DMD: variants seen among roughly 807,000 people sequenced by gnomAD.
DMD encodes dystrophin.
A neutral mutation model predicts 330.1 loss-of-function variants in DMD; 63 were observed. That is an observed-to-expected ratio of 0.19 (90% confidence interval 0.16 to 0.24). The LOEUF is 0.24. Among genes scored for constraint, DMD ranks in the 10% least tolerant of loss-of-function variants. The pLI is 1.00. For missense variants in DMD, 3,344 were observed against 2,684.1 expected (o/e 1.25, Z -5.43); for synonymous variants, 1,223 against 959.8 (o/e 1.27, Z -5.07).
chrX:32,459,076 C>T (rs2098372984), intron 25 of DMD, among the ~76,000 whole-genome samples: 1 of 110,827 alleles, frequency 9.0e-6, no homozygotes, highest in Non-Finnish European at 1.9e-5. Context: ...ATTAGCTCTG[C>T]AGATCTACTG....
chrX:31,314,754 G>GAGAGAGAGAA (rs1556488669), intron 62 of DMD, among the ~76,000 whole-genome samples: 2 of 103,638 alleles, frequency 1.9e-5, no homozygotes, highest in Admixed American at 1.0e-4. Context: ...GAGAGAGAGA[G>GAGAGAGAGAA]AGAGAGAGAG....
intron 7 of DMD, among the ~76,000 whole-genome samples, chrX:32,799,411 A>G (rs2148676780): frequency 9.0e-6 from 1 of 111,630 alleles, no homozygotes; most frequent in Admixed American, 9.5e-5. Flanking sequence ...AATAAGTAAG[A>G]ACATTTCCAT....
At chrX:32,636,982 G>C (rs1021118167) in intron 11 of DMD, among the ~76,000 whole-genome samples, 18 of 109,187 alleles carry the variant, frequency 1.6e-4, no homozygotes, top group Non-Finnish European at 2.9e-4. Context: ...TGGGAGACAG[G>C]GAGACTCTGT....
intron 42 of DMD, among the ~76,000 whole-genome samples, chrX:32,297,518 C>T (rs943786516): frequency 3.6e-5 from 4 of 110,914 alleles, no homozygotes; most frequent in African/African-American, 6.6e-5. Context: ...TGTGGTCACC[C>T]GCCTTGGCCT....
chrX:32,809,213 C>T (rs985668099), intron 7 of DMD, among the ~76,000 whole-genome samples: 2 of 111,807 alleles, frequency 1.8e-5, no homozygotes, highest in African/African-American at 6.5e-5. Flanking sequence ...GGAGTCAATG[C>T]ACTCCAAATG....
Position 32,573,778 on chromosome X carries a change from G to C in DMD, c.1671C>G (p.Ile557Met), listed in dbSNP as rs1159051532. 3 of 1,210,020 alleles carry C rather than the reference G, an allele frequency of 2.5e-6. No homozygotes were observed. The highest frequency in any genetic ancestry group is 2.2e-6 in the Non-Finnish European group (2 of 895,183). ...CAGTAAGACGTTGCCATTTGAGAAG[G>C]ATGTCTTGTAAAAGAACCCAGCGGT... ...TEDRWVLLQD[I>M]LLKWQRLTEE... The change falls in exon 14 of 79, where the codon ATC becomes ATG. Residue 557 changes from isoleucine (I) to methionine (M), a missense_variant. Transcript: ENST00000357033.
chrX:32,839,544 C>A (rs1179905848), intron 4 of DMD, among the ~76,000 whole-genome samples: 2 of 111,704 alleles, frequency 1.8e-5, no homozygotes, highest in Non-Finnish European at 3.8e-5. Flanking sequence ...AGGACTTCTT[C>A]AATGTGATTA....
intron 62 of DMD, among the ~76,000 whole-genome samples, chrX:31,302,187 G>A (rs1305768166): frequency 1.8e-5 from 2 of 111,622 alleles, no homozygotes; most frequent in East Asian, 2.8e-4. Context: ...TATCTATTAC[G>A]CTATCTAAGA....
At chrX:32,258,590 A>C (rs1035914825) in intron 43 of DMD, among the ~76,000 whole-genome samples, 2 of 109,431 alleles carry the variant, frequency 1.8e-5, no homozygotes, top group Non-Finnish European at 3.8e-5. Flanking sequence ...ACATATTCTC[A>C]CCCATAAGTG....
At chrX:31,598,260 A>G (rs1263153337) in intron 55 of DMD, among the ~76,000 whole-genome samples, 1 of 110,892 alleles carries the variant, frequency 9.0e-6, no homozygotes, top group Non-Finnish European at 1.9e-5. Flanking sequence ...CTGGGATTAC[A>G]GAGGTGTTCC....
chrX:32,730,758 A>C (rs747253414), intron 7 of DMD, among the ~76,000 whole-genome samples: 1 of 112,087 alleles, frequency 8.9e-6, no homozygotes, highest in East Asian at 2.8e-4. Context: ...AAGAGTGTGG[A>C]GGCTATGTAT....
intron 72 of DMD, 30 bp from the exon 73 acceptor site, chrX:31,172,443 CT>C: frequency 9.4e-7 from 1 of 1,065,593 alleles, no homozygotes; most frequent in Non-Finnish European, 1.3e-6. Context: ...CTCATTAAAA[CT>C]TATGTGACGT....
chrX:32,162,052 T>C (rs922177473), intron 44 of DMD, among the ~76,000 whole-genome samples: 1 of 111,235 alleles, frequency 9.0e-6, no homozygotes, highest in Non-Finnish European at 1.9e-5. Context: ...TTAGGACAAA[T>C]ACCTAATGCA....
At chrX:31,934,695 T>C (rs1472243357) in intron 45 of DMD, among the ~76,000 whole-genome samples, 2 of 111,205 alleles carry the variant, frequency 1.8e-5, no homozygotes, top group African/African-American at 6.6e-5. Context: ...TGAGAGTATA[T>C]TTTGTTGTCT....
At chrX:31,196,979 G>C (rs2042969689) in intron 67 of DMD, among the ~76,000 whole-genome samples, 1 of 109,914 alleles carries the variant, frequency 9.1e-6, no homozygotes, top group African/African-American at 3.3e-5. Flanking sequence ...GCAATCCACA[G>C]ATGATGTTTT....
chrX:32,188,315 A>T (rs967985950), intron 44 of DMD, among the ~76,000 whole-genome samples: 1 of 108,353 alleles, frequency 9.2e-6, no homozygotes, highest in Non-Finnish European at 1.9e-5. Flanking sequence ...CAGTTAATTC[A>T]GTCTGCCAAT....
chrX:33,279,768 T>C (rs1452379784), intron 1 of DMD, among the ~76,000 whole-genome samples: 1 of 111,251 alleles, frequency 9.0e-6, no homozygotes, highest in Non-Finnish European at 1.9e-5. Context: ...TAGGTAATAA[T>C]ATCTCACTTT....
Position 32,501,858 on chromosome X carries a change from A to G in DMD, c.2293-16T>C, listed in dbSNP as rs2148691929. 6 of 1,127,357 alleles carry G rather than the reference A, an allele frequency of 5.3e-6. No individual in the cohort carries two copies. Among genetic ancestry groups the G allele is most frequent in the Non-Finnish European group, 7.3e-6 (6 of 823,024 alleles). 92.9% of individuals were successfully genotyped at this position (1,127,357 alleles called of 1,213,427 possible). Reference sequence around the variant, plus strand: ...GCTCTATGGCCTGCAGCATGAGAGCAAAGATGAGTAATTCAATACAAGGAC... The same window carrying G: ...GCTCTATGGCCTGCAGCATGAGAGCGAAGATGAGTAATTCAATACAAGGAC... On this transcript the variant is annotated splice_polypyrimidine_tract_variant and intron_variant, in intron 18 of 78. Transcript: ENST00000357033.
chrX:32,060,125 A>G (rs904902297), intron 44 of DMD, among the ~76,000 whole-genome samples: 5 of 111,822 alleles, frequency 4.5e-5, no homozygotes, highest in Admixed American at 3.8e-4. Context: ...TTAAGGGTCA[A>G]TTATATTCAT....
Sources: gnomAD v4.1 joint callset for allele counts (sites outside exome capture counted in the v4.1 genomes callset) on GRCh38, gnomAD v4.1.1 for gene constraint, MANE v1.5 for transcripts, NCBI Gene and HGNC (gene_info 2026-07-23, HGNC 2026-07-21) for gene names.